The following JAM3 variants were observed in gnomAD, a reference collection of about 807,000 sequenced individuals.
The protein encoded by JAM3 is junctional adhesion molecule 3, also known as junctional adhesion molecule C.
JAM3 carries 31 observed loss-of-function variants against 39.4 expected under a neutral mutation model. The ratio of observed to expected loss-of-function variants is 0.79; its 90% CI spans 0.59 to 1.06. The LOEUF is 1.06. Among genes scored for constraint, JAM3 ranks in the 50% least tolerant of loss-of-function variants. The pLI, the probability that JAM3 is intolerant of heterozygous loss-of-function variation, is 0.00. For synonymous variants in JAM3, 182 were observed against 148.7 expected (o/e 1.22, Z -1.63); for missense variants, 455 against 391.4 (o/e 1.16, Z -1.37).
At chr11:134,127,664 C>T (rs1222216802) in intron 1 of JAM3, among the ~76,000 whole-genome samples, 1 of 152,204 alleles carries the variant, frequency 6.6e-6, no homozygotes, top group Non-Finnish European at 1.5e-5. Context: ...TATGCCACTG[C>T]ATTGCAGTCT....
chr11:134,131,347 A>G (rs942781030), intron 1 of JAM3, among the ~76,000 whole-genome samples: 2 of 152,076 alleles, frequency 1.3e-5, no homozygotes, highest in African/African-American at 4.8e-5. Context: ...AACCTCAGTG[A>G]CCAAACTTGA....
At chr11:134,114,842 A>G (rs1390896775) in intron 1 of JAM3, among the ~76,000 whole-genome samples, 6 of 152,202 alleles carry the variant, frequency 3.9e-5, no homozygotes, top group South Asian at 2.1e-4. Context: ...TAGGTGTTCT[A>G]TAAATGTGAA....
rs774297742 is a variant in JAM3, at chr11:134,140,802, C to G, written c.256+32C>G. On this transcript the variant is annotated intron_variant, in intron 3 of 8. Transcript: ENST00000299106. ...TCCTGTAGTCCTCTTGCCTGCTGACCTTTCCTCTGTCCATAGACCTGGGTA... is the reference window on the plus strand; with the variant it reads ...TCCTGTAGTCCTCTTGCCTGCTGACGTTTCCTCTGTCCATAGACCTGGGTA... 2.5e-6 allele frequency: 4 copies of G among 1,590,306 alleles called. No individual in the cohort carries two copies. In the South Asian group the frequency reaches 4.6e-5, roughly 18 times the overall value.
At position 134,144,285 on chromosome 11, in the gene JAM3, A is replaced by G; in HGVS notation, c.301A>G (p.Lys101Glu). The change falls in exon 4 of 9, where the codon AAG becomes GAG. Residue 101 changes from lysine to glutamate, a missense_variant. Lys to Glu is a moderately conservative substitution (Grantham distance 56). Transcript: ENST00000299106. ...AGAAATACTGGGGAAGACATCCCTGAAGATCTGGAATGTGACACGGAGAGA... is the reference window on the plus strand; with the variant it reads ...AGAAATACTGGGGAAGACATCCCTGGAGATCTGGAATGTGACACGGAGAGA... ...RAEILGKTSL[K>E]IWNVTRRDSA... 1 of 1,614,174 alleles carries G rather than the reference A, an allele frequency of 6.2e-7. No homozygotes were observed. Among genetic ancestry groups the G allele is most frequent in the Non-Finnish European group, 8.5e-7 (1 of 1,180,018 alleles).
At chr11:134,134,238 C>T (rs1006949211) in intron 1 of JAM3, among the ~76,000 whole-genome samples, 1 of 151,586 alleles carries the variant, frequency 6.6e-6, no homozygotes, top group Non-Finnish European at 1.5e-5. Context: ...AAGAAGTGGG[C>T]AACTACAGAA....
chr11:134,082,603 C>T (rs545059724), intron 1 of JAM3, among the ~76,000 whole-genome samples: 12 of 152,222 alleles, frequency 7.9e-5, no homozygotes, highest in South Asian at 4.2e-4. Flanking sequence ...TCTTGTCTGC[C>T]GCCGTGTGAG....
intron 1 of JAM3, among the ~76,000 whole-genome samples, chr11:134,137,675 C>T (rs574723597): frequency 1.3e-5 from 2 of 151,094 alleles, no homozygotes; most frequent in African/African-American, 2.4e-5. Flanking sequence ...TCGTCTAAGT[C>T]GTGGTGCTCA....
chr11:134,081,578 T>C (rs1292621491), intron 1 of JAM3, among the ~76,000 whole-genome samples: 1 of 152,230 alleles, frequency 6.6e-6, no homozygotes, highest in Non-Finnish European at 1.5e-5. Flanking sequence ...AGGTCAAGAA[T>C]TGAGGTTTGG....
At chr11:134,141,610 A>G (rs1942973499) in intron 3 of JAM3, among the ~76,000 whole-genome samples, 2 of 151,972 alleles carry the variant, frequency 1.3e-5, no homozygotes, top group South Asian at 4.2e-4. Flanking sequence ...TGCTGTAGAG[A>G]AGAGATTGGA....
chr11:134,119,077 C>T (rs1464274923), intron 1 of JAM3, among the ~76,000 whole-genome samples: 1 of 151,150 alleles, frequency 6.6e-6, no homozygotes, highest in Non-Finnish European at 1.5e-5. Context: ...CAAGCAAGCA[C>T]ATCGGCTAAT....
intron 1 of JAM3, among the ~76,000 whole-genome samples, chr11:134,120,332 A>G (rs1230008347): frequency 6.6e-6 from 1 of 152,236 alleles, no homozygotes; most frequent in Non-Finnish European, 1.5e-5. Flanking sequence ...GCAAGAGACA[A>G]ACTGGACAGA....
intron 1 of JAM3, among the ~76,000 whole-genome samples, chr11:134,110,280 A>G (rs1337004000): frequency 6.6e-6 from 1 of 152,234 alleles, no homozygotes; most frequent in Non-Finnish European, 1.5e-5. Flanking sequence ...TAGACCTATT[A>G]TTTGATTCAG....
intron 1 of JAM3, among the ~76,000 whole-genome samples, chr11:134,101,511 C>G (rs954543145): frequency 3.9e-5 from 6 of 152,144 alleles, no homozygotes; most frequent in African/African-American, 9.7e-5. Context: ...AAGCATGTCT[C>G]CAGGCTTAAG....
At chr11:134,133,556 T>A (rs1204996352) in intron 1 of JAM3, among the ~76,000 whole-genome samples, 2 of 152,198 alleles carry the variant, frequency 1.3e-5, no homozygotes, top group African/African-American at 4.8e-5. Context: ...GATGATCATG[T>A]CATCCCAACT....
chr11:134,112,199 G>T (rs1483089334), intron 1 of JAM3, among the ~76,000 whole-genome samples: 1 of 152,086 alleles, frequency 6.6e-6, no homozygotes, highest in Non-Finnish European at 1.5e-5. Flanking sequence ...GAATTCTCCT[G>T]CCTCAGCCTC....
At chr11:134,112,916 GAGAA>G (rs771124379) in intron 1 of JAM3, among the ~76,000 whole-genome samples, 3 of 152,168 alleles carry the variant, frequency 2.0e-5, no homozygotes, top group Non-Finnish European at 4.4e-5. Flanking sequence ...ACAGACCAAA[GAGAA>G]AGTTATATAT....
intron 1 of JAM3, among the ~76,000 whole-genome samples, chr11:134,096,667 C>T (rs1165900843): frequency 6.6e-6 from 1 of 152,208 alleles, no homozygotes; most frequent in Non-Finnish European, 1.5e-5. Context: ...ATTTTCCCTT[C>T]CTGCAAGCAA....
At position 134,099,589 on chromosome 11, in the gene JAM3, T is replaced by G. The variant is rs77849428; in HGVS notation, c.76+30430T>G. Among the ~76,000 whole-genome samples the G allele has an allele frequency of 8.9e-3, 1,362 of 152,330 alleles. 27 individuals carry two copies. The highest frequency in any genetic ancestry group is 0.031 in the African/African-American group (1,306 of 41,570). On this transcript the variant is annotated intron_variant, in intron 1 of 8. Coordinates refer to ENST00000299106, the MANE Select transcript of JAM3 (RefSeq NM_032801.5). ...TTCAAGATTTCTGCCCTTTGCCTCC[T>G]GTATTTTTCTATTTATTTGTTTATT...
At chr11:134,121,513 TC>T (rs1942531932) in intron 1 of JAM3, among the ~76,000 whole-genome samples, 1 of 152,050 alleles carries the variant, frequency 6.6e-6, no homozygotes. Context: ...GTTTTGTTGT[TC>T]TTTAAAAGGG....
Sources: allele counts gnomAD v4.1 joint callset (sites outside exome capture counted in the v4.1 genomes callset), GRCh38; gene constraint gnomAD v4.1.1; transcripts MANE v1.5; gene names NCBI Gene and HGNC (gene_info 2026-07-23, HGNC 2026-07-21).